SMARCB1: variants seen among roughly 807,000 people sequenced by gnomAD.
SMARCB1 encodes SWI/SNF related BAF chromatin remodeling complex subunit B1.
In SMARCB1, 5 loss-of-function variants were observed where a neutral mutation model predicts 49.0. That is an observed-to-expected ratio of 0.10 (90% CI 0.05 to 0.21). SMARCB1 has a LOEUF of 0.21. SMARCB1 is among the 10% of genes least tolerant of loss of function. The pLI is 1.00. For synonymous variants in SMARCB1, 201 were observed against 200.1 expected, an observed-to-expected ratio of 1.00 and a Z score of -0.04; for missense variants, 226 against 509.2, an observed-to-expected ratio of 0.44 and a Z score of 5.35.
intron 5 of SMARCB1, among the ~76,000 whole-genome samples, chr22:23,807,488 T>C (rs984304402): frequency 3.3e-5 from 5 of 151,928 alleles, no homozygotes; most frequent in African/African-American, 1.2e-4. Flanking sequence ...GGTGGGAGGA[T>C]AGCTTGAGCC....
chr22:23,794,638 C>T (rs35955548), intron 3 of SMARCB1, among the ~76,000 whole-genome samples: 5,429 of 152,102 alleles, frequency 0.036, 150 homozygotes, highest in East Asian at 0.12. Context: ...GTGGCTCACA[C>T]CTGTAATCCC....
intron 3 of SMARCB1, among the ~76,000 whole-genome samples, chr22:23,797,362 G>A (rs912508676): frequency 2.0e-5 from 3 of 150,182 alleles, no homozygotes; most frequent in African/African-American, 7.4e-5. Flanking sequence ...AGGCTGGAGT[G>A]CAGTGGCGCC....
In SMARCB1 at chr22:23,834,229, C is replaced by T. The variant is rs776027495; in HGVS notation, c.*49C>T. 51 of 1,536,396 alleles carry T rather than the reference C, an allele frequency of 3.3e-5. No homozygotes were observed. The African/African-American group carries it at 3.4e-4, about 10-fold the overall frequency. The stretch of plus-strand genomic sequence containing the variant: ...CACGGAGCATCTCAGAAGATTGGGC[C>T]GCCTCTCCTCCATCTTCTGGCAAGG... On this transcript the variant is annotated 3_prime_UTR_variant, in exon 9 of 9. Coordinates refer to ENST00000644036, the MANE Select transcript of SMARCB1 (RefSeq NM_003073.5).
chr22:23,803,763 C>G (rs542595481), intron 5 of SMARCB1: 1 of 392,652 alleles, frequency 2.5e-6, no homozygotes, highest in East Asian at 5.9e-5. Context: ...GCCTTGGGTC[C>G]TGTCCACCAC....
chr22:23,793,838 G>A, intron 3 of SMARCB1, 150 bp downstream of exon 3: 1 of 824,856 alleles, frequency 1.2e-6, no homozygotes, highest in Admixed American at 2.1e-5. Context: ...CTGGAGTGCA[G>A]TGGCACGATC....
At position 23,794,087 on chromosome 22, in the gene SMARCB1, G is replaced by C. The variant is rs533789147; in HGVS notation, c.362+399G>C. ...AGCCTCCCAGATAGCTGGGATTACAGGCATGCGCCACCACGCCCAGCTAAT... is the reference window on the plus strand; with the variant it reads ...AGCCTCCCAGATAGCTGGGATTACACGCATGCGCCACCACGCCCAGCTAAT... On this transcript the variant is annotated intron_variant, in intron 3 of 8. Transcript: ENST00000644036. 1.3e-4 allele frequency among the ~76,000 whole-genome samples: 20 copies of C among 152,354 alleles called. No homozygotes were observed. The South Asian group carries it at 3.7e-3, about 28-fold the overall frequency.
At chr22:23,833,978 C>A (rs1041212194) in intron 8 of SMARCB1, among the ~76,000 whole-genome samples, 163 bp from the exon 9 acceptor site, 5 of 149,968 alleles carry the variant, frequency 3.3e-5, no homozygotes, top group African/African-American at 1.3e-4. Flanking sequence ...GCCTGAGTGG[C>A]AGACAGGCGA....
chr22:23,836,426 G>A lies in SMARCB1; in HGVS notation c.*2246G>A, dbSNP rs929419883. Reference sequence around the variant, plus strand: ...GACGCCTGTCCTGGCCCCAGCAGCCGAAATCTGGTGAACTTCCCCGCTGAC... The same window carrying A: ...GACGCCTGTCCTGGCCCCAGCAGCCAAAATCTGGTGAACTTCCCCGCTGAC... On this transcript the variant is annotated 3_prime_UTR_variant, in exon 9 of 9. Transcript: ENST00000644036. 5 of 988,244 alleles carry A rather than the reference G, an allele frequency of 5.1e-6. No homozygotes were observed. Among genetic ancestry groups the A allele is most frequent in the Non-Finnish European group, 6.0e-6 (5 of 832,084 alleles). The allele number at this position is 988,244 out of a possible 1,614,324, so 61.2% of individuals were successfully genotyped here. A position where few individuals can be genotyped will look rare whatever the true frequency, so the allele number is the denominator to read the frequency against.
chr22:23,807,112 T>C (rs1057470834), intron 5 of SMARCB1, among the ~76,000 whole-genome samples: 2 of 151,852 alleles, frequency 1.3e-5, no homozygotes, highest in Non-Finnish European at 2.9e-5. Context: ...AAAAGATGAG[T>C]TGCCTAACCA....
In SMARCB1 at chr22:23,836,269, T is replaced by C; in HGVS notation, c.*2089T>C. The C allele has an allele frequency of 2.0e-6, 2 of 985,432 alleles. No individual in the cohort carries two copies. The highest frequency in any genetic ancestry group is 2.4e-6 in the Non-Finnish European group (2 of 829,946). 61.0% of individuals were successfully genotyped at this position (985,432 alleles called of 1,614,324 possible). A position where few individuals can be genotyped will look rare whatever the true frequency, so the allele number is the denominator to read the frequency against. On this transcript the variant is annotated 3_prime_UTR_variant, in exon 9 of 9. Transcript: ENST00000644036. ...CACCTGAATCCATGGGGCTTTGGCA[T>C]CACCAGATGAAAAATGAGGCATACG...
chr22:23,789,568 G>A (rs1015263739), intron 1 of SMARCB1, among the ~76,000 whole-genome samples: 1 of 152,182 alleles, frequency 6.6e-6, no homozygotes, highest in Non-Finnish European at 1.5e-5. Context: ...AGACTAGATG[G>A]TCTCCAAGAT....
intron 1 of SMARCB1, among the ~76,000 whole-genome samples, chr22:23,791,470 A>G (rs1204527846): frequency 1.3e-5 from 2 of 152,242 alleles, no homozygotes; most frequent in East Asian, 1.9e-4. Context: ...TCCAAAATCA[A>G]AATCACCACG....
In SMARCB1 at chr22:23,822,957, CTTTTTTTTTTTTTTTTTTTTTTTTT is replaced by C. The variant is rs58056758; in HGVS notation, c.796-2251_796-2227del. ...TCTGTCAGTGCCCCCACCAGCATAGCTTTTTTTTTTTTTTTTTTTTTTTTTTTTTTTTTTTTTTTTTGACACAGAG... is the reference window on the plus strand; with the variant it reads ...TCTGTCAGTGCCCCCACCAGCATAGCTTTTTTTTTTTTTTTTGACACAGAG... On this transcript the variant is annotated intron_variant, in intron 6 of 8. Coordinates refer to ENST00000644036, the MANE Select transcript of SMARCB1 (RefSeq NM_003073.5). Among the ~76,000 whole-genome samples the C allele has an allele frequency of 8.6e-3, 626 of 72,746 alleles. 12 individuals are homozygous for C. The highest frequency in any genetic ancestry group is 0.034 in the South Asian group (72 of 2,126). 47.7% of individuals were successfully genotyped at this position (72,746 alleles called of 152,430 possible).
At chr22:23,808,081 G>A (rs565838486) in intron 5 of SMARCB1, among the ~76,000 whole-genome samples, 20 of 150,232 alleles carry the variant, frequency 1.3e-4, no homozygotes, top group African/African-American at 3.4e-4. Flanking sequence ...TCAGCCTCCC[G>A]AGTAGCTGGG....
At chr22:23,816,721 C>G (rs143346465) in intron 5 of SMARCB1, 49 bp from the exon 6 acceptor site, 2 of 1,569,136 alleles carry the variant, frequency 1.3e-6, no homozygotes, top group Non-Finnish European at 8.8e-7. Context: ...CCGGTCCATG[C>G]CCAAGCATGG....
chr22:23,812,820 C>T (rs549092801), intron 5 of SMARCB1, among the ~76,000 whole-genome samples: 1 of 151,320 alleles, frequency 6.6e-6, no homozygotes, highest in East Asian at 1.9e-4. Context: ...GAAACTTCCT[C>T]CATTTAGTAA....
intron 3 of SMARCB1, among the ~76,000 whole-genome samples, chr22:23,796,090 G>A (rs2145969305): frequency 6.6e-6 from 1 of 152,256 alleles, no homozygotes; most frequent in African/African-American, 2.4e-5. Flanking sequence ...ACTGTGCCCA[G>A]CCGGGAGTGC....
chr22:23,793,856 A>G (rs914256909), intron 3 of SMARCB1, among the ~76,000 whole-genome samples, 168 bp downstream of exon 3: 7 of 146,890 alleles, frequency 4.8e-5, no homozygotes, highest in African/African-American at 1.5e-4. Flanking sequence ...ATCTTGGCTC[A>G]CTGCAACCTC....
intron 6 of SMARCB1, among the ~76,000 whole-genome samples, chr22:23,821,934 C>T (rs2030110046): frequency 6.6e-6 from 1 of 152,010 alleles, no homozygotes; most frequent in South Asian, 2.1e-4. Context: ...AACTCCTGGG[C>T]TCAAGCAACT....
Sources: allele counts gnomAD v4.1 joint callset (sites outside exome capture counted in the v4.1 genomes callset), GRCh38; gene constraint gnomAD v4.1.1; transcripts MANE v1.5; gene names NCBI Gene and HGNC (gene_info 2026-07-23, HGNC 2026-07-21).